PTPRJ: variants seen among roughly 807,000 people sequenced by gnomAD.
The protein encoded by PTPRJ is receptor-type tyrosine-protein phosphatase eta.
A neutral mutation model predicts 141.3 loss-of-function variants in PTPRJ; 129 were observed. The ratio of observed to expected loss-of-function variants is 0.91; its 90% CI spans 0.79 to 1.06. The LOEUF is 1.06. PTPRJ is among the 50% of genes least tolerant of loss of function. The probability of loss-of-function intolerance (pLI) is 0.00; values close to 1 mark genes in which losing one functional copy is unlikely to be tolerated. For missense variants in PTPRJ, 1,601 were observed against 1,679.7 expected, an observed-to-expected ratio of 0.95 and a Z score of 0.82; for synonymous variants, 610 against 640.5, an observed-to-expected ratio of 0.95 and a Z score of 0.72.
intron 1 of PTPRJ, among the ~76,000 whole-genome samples, chr11:48,077,834 G>T (rs144757643): frequency 1.5e-4 from 23 of 152,256 alleles, no homozygotes; most frequent in African/African-American, 5.5e-4. Context: ...GTTCTCCAGC[G>T]ATTTGTAACC....
intron 1 of PTPRJ, among the ~76,000 whole-genome samples, chr11:48,106,011 C>T (rs774451562): frequency 6.6e-6 from 1 of 152,218 alleles, no homozygotes; most frequent in African/African-American, 2.4e-5. Context: ...TTAAAACTCT[C>T]CTCACTCACC....
In PTPRJ at chr11:48,145,086, G is replaced by T. The variant is rs1264592468; in HGVS notation, c.2873G>T (p.Ser958Ile). Residue 958 changes from serine to isoleucine, a missense_variant, in exon 14 of 25, where the codon AGT (serine) becomes ATT (isoleucine). Ser to Ile is a moderately radical substitution (Grantham distance 142, BLOSUM62 -2). Transcript: ENST00000418331. ...IDGAESYVSF[S>I]RYSDAVSLPQ... is the part of the protein sequence containing the mutation. ...GGGGCTGAGAGCTATGTGTCCTTCA[G>T]TCGCTACTCAGATGCTGTTTCCTTG... 3 of 1,614,174 alleles carry T rather than the reference G, an allele frequency of 1.9e-6. No individual in the cohort carries two copies. Among genetic ancestry groups the T allele is most frequent in the South Asian group, 1.1e-5 (1 of 91,088 alleles).
rs531887588 is a variant in PTPRJ, at chr11:48,152,111, G to A, written c.3139-1685G>A. 6.6e-4 allele frequency among the ~76,000 whole-genome samples: 100 copies of A among 152,266 alleles called. 1 individual carries two copies. The South Asian group carries it at 0.02, about 31-fold the overall frequency. Reference sequence around the variant, plus strand: ...CTCCACATCCTCTCCAGCACCTGTTGTTTCCTGACTTTTTAATGATTGCCA... The same window carrying A: ...CTCCACATCCTCTCCAGCACCTGTTATTTCCTGACTTTTTAATGATTGCCA... On this transcript the variant is annotated intron_variant, in intron 18 of 24. Coordinates refer to ENST00000418331, the MANE Select transcript of PTPRJ (RefSeq NM_002843.4).
rs1228141307 is a variant in PTPRJ at position 48,057,233 on chromosome 11, TTAAC to T, written c.97-52823_97-52820del. Among the ~76,000 whole-genome samples the T allele has an allele frequency of 2.0e-5, 3 of 152,322 alleles. No homozygotes were observed. In the East Asian group the frequency reaches 5.8e-4, roughly 29 times the overall value. On this transcript the variant is annotated intron_variant, in intron 1 of 24. Coordinates refer to ENST00000418331, the MANE Select transcript of PTPRJ (RefSeq NM_002843.4). Reference sequence around the variant, plus strand: ...TAGGTGCTTAGGCATCATTTGCTAATTAACTGACTGTGTTAGGTTATTAGGAAGT... The same window carrying T: ...TAGGTGCTTAGGCATCATTTGCTAATTGACTGTGTTAGGTTATTAGGAAGT...
At chr11:48,156,959 C>T (rs117998385) in intron 21 of PTPRJ, among the ~76,000 whole-genome samples, 9 of 151,988 alleles carry the variant, frequency 5.9e-5, no homozygotes, top group East Asian at 1.9e-4. Flanking sequence ...TCTCCTGCAA[C>T]GTCCTGAAAT....
chr11:48,153,704 C>T, intron 18 of PTPRJ, 92 bp from the exon 19 acceptor site: 1 of 792,998 alleles, frequency 1.3e-6, no homozygotes, highest in Non-Finnish European at 2.2e-6. Context: ...GTCTATGGGA[C>T]TGTTGGGCTG....
At position 48,159,852 on chromosome 11, in the gene PTPRJ, C is replaced by T. The variant is rs1478319654; in HGVS notation, c.3439-78C>T. ...CATCTCTGATGCCAGTTTTCAATAG[C>T]CAGTCTCCCTTGTGAGGTTTTAGTG... is the stretch of plus-strand genomic sequence containing the variant. On this transcript the variant is annotated intron_variant, in intron 21 of 24. Coordinates refer to ENST00000418331, the MANE Select transcript of PTPRJ (RefSeq NM_002843.4). The T allele has an allele frequency of 2.6e-6, 4 of 1,554,776 alleles. No individual in the cohort carries two copies. In the East Asian group the frequency reaches 6.8e-5, roughly 26 times the overall value.
At chr11:48,151,316 C>T (rs930876037) in intron 18 of PTPRJ, among the ~76,000 whole-genome samples, 2 of 151,852 alleles carry the variant, frequency 1.3e-5, no homozygotes, top group African/African-American at 4.8e-5. Flanking sequence ...TGATGTCTGC[C>T]TCTGTGTTCA....
chr11:48,137,234 G>A lies in PTPRJ; in HGVS notation c.2105G>A (p.Gly702Glu). ...ACAGTGGAGATCTTTGCACAAGTAG[G>A]GGATGGGATCAAGTCACTGGAACCT... ...SYTVEIFAQV[G>E]DGIKSLEPGR... Residue 702 changes from glycine (G) to glutamate (E), a missense_variant, in exon 10 of 25, where the codon GGG becomes GAG. Transcript: ENST00000418331. 1 of 1,613,772 alleles carries A rather than the reference G, an allele frequency of 6.2e-7. No homozygotes were observed. The highest frequency in any genetic ancestry group is 8.5e-7 in the Non-Finnish European group (1 of 1,179,866).
intron 1 of PTPRJ, among the ~76,000 whole-genome samples, chr11:48,102,430 CAG>C (rs1479410864): frequency 1.3e-5 from 2 of 151,444 alleles, no homozygotes; most frequent in African/African-American, 4.9e-5. Flanking sequence ...TTTTTTGAGA[CAG>C]AGTTTTGCTC....
At chr11:48,036,567 C>G (rs977934062) in intron 1 of PTPRJ, among the ~76,000 whole-genome samples, 2 of 152,106 alleles carry the variant, frequency 1.3e-5, no homozygotes, top group South Asian at 4.1e-4. Context: ...CTTATCATAT[C>G]TACATATTAT....
chr11:48,073,191 G>A (rs1030747124), intron 1 of PTPRJ, among the ~76,000 whole-genome samples: 2 of 152,182 alleles, frequency 1.3e-5, no homozygotes, highest in Admixed American at 6.5e-5. Context: ...CCTTTGGTAT[G>A]TTCTCTGGGT....
chr11:48,110,215 CTT>C, intron 2 of PTPRJ, 139 bp downstream of exon 2: 3 of 1,034,704 alleles, frequency 2.9e-6, no homozygotes, highest in Non-Finnish European at 4.2e-6. Context: ...TTTTTCTTTT[CTT>C]TTTTTTTGAG....
chr11:48,012,686 A>C (rs921480987), intron 1 of PTPRJ, among the ~76,000 whole-genome samples: 2 of 152,174 alleles, frequency 1.3e-5, no homozygotes, highest in African/African-American at 4.8e-5. Flanking sequence ...CAGAGCTCTC[A>C]TCCATCTTCA....
chr11:48,040,762 C>T (rs1369147015), intron 1 of PTPRJ, among the ~76,000 whole-genome samples: 2 of 151,926 alleles, frequency 1.3e-5, no homozygotes, highest in African/African-American at 4.8e-5. Context: ...TCACCATGCC[C>T]GGCTAATTTT....
chr11:47,981,556 C>T (rs889517911), intron 1 of PTPRJ, among the ~76,000 whole-genome samples: 25 of 152,226 alleles, frequency 1.6e-4, no homozygotes, highest in African/African-American at 5.5e-4. Context: ...GGAAAGTTCC[C>T]AGGCCGGGGA....
intron 1 of PTPRJ, among the ~76,000 whole-genome samples, chr11:48,008,081 G>A (rs1045259084): frequency 3.7e-4 from 56 of 152,242 alleles, no homozygotes; most frequent in African/African-American, 1.3e-3. Context: ...TGGGCTTTTA[G>A]GGTTGAGTTC....
rs60806872 is a variant in PTPRJ, at chr11:48,164,558, ATTTTTTTTTTTTT to A, written c.3855+57_3855+69del. 10 of 771,722 alleles carry A rather than the reference ATTTTTTTTTTTTT, an allele frequency of 1.3e-5. No individual in the cohort carries two copies. The African/African-American group carries it at 1.4e-4, about 11-fold the overall frequency. The allele number at this position is 771,722 out of a possible 1,614,324, so 47.8% of individuals were successfully genotyped here. A position where few individuals can be genotyped will look rare whatever the true frequency, so the allele number is the denominator to read the frequency against. ...ATTTGACATTCCACCCTTCCCCTCC[ATTTTTTTTTTTTT>A]TTTTTTTTTTTTTGAGACGGAGTCT... On this transcript the variant is annotated intron_variant, in intron 24 of 24. Transcript: ENST00000418331.
chr11:47,980,873 C>T lies in PTPRJ; in HGVS notation c.-40C>T. ...CCGGGCTCGGGCGCACGGCGGGGCC[C>T]GATTCGCGCGTCCGGGGCACGTTCC... On this transcript the variant is annotated 5_prime_UTR_variant, in exon 1 of 25. Coordinates refer to ENST00000418331, the MANE Select transcript of PTPRJ (RefSeq NM_002843.4). 2.7e-6 allele frequency: 3 copies of T among 1,105,402 alleles called. No homozygotes were observed. The highest frequency in any genetic ancestry group is 3.3e-6 in the Non-Finnish European group (3 of 908,698). The allele number at this position is 1,105,402 out of a possible 1,614,324, so 68.5% of individuals were successfully genotyped here.
Sources: allele counts gnomAD v4.1 joint callset (sites outside exome capture counted in the v4.1 genomes callset), GRCh38; gene constraint gnomAD v4.1.1; transcripts MANE v1.5; gene names NCBI Gene and HGNC (gene_info 2026-07-23, HGNC 2026-07-21).